HS6ST2: variants seen among roughly 807,000 people sequenced by gnomAD.
HS6ST2 encodes the protein heparan-sulfate 6-O-sulfotransferase 2.
In HS6ST2, 17 loss-of-function variants were observed where a neutral mutation model predicts 33.0. The ratio of observed to expected loss-of-function variants is 0.52; its 90% confidence interval spans 0.35 to 0.77. The LOEUF (loss-of-function observed/expected upper bound fraction) is 0.77. Among genes scored for constraint, HS6ST2 ranks in the 30% least tolerant of loss-of-function variants. The probability of loss-of-function intolerance (pLI) is 0.01; values close to 1 mark genes in which losing one functional copy is unlikely to be tolerated. For synonymous variants in HS6ST2, 248 were observed against 237.1 expected (o/e 1.05, Z -0.42); for missense variants, 519 against 551.7 (o/e 0.94, Z 0.59).
intron 2 of HS6ST2, among the ~76,000 whole-genome samples, chrX:132,848,984 C>A (rs1477130535): frequency 9.0e-6 from 1 of 111,362 alleles, no homozygotes; most frequent in African/African-American, 3.3e-5. Context: ...TGGGTGTGCA[C>A]AGGGGAAAGC....
intron 3 of HS6ST2, among the ~76,000 whole-genome samples, chrX:132,693,266 T>C (rs944499106): frequency 7.1e-5 from 8 of 112,116 alleles, no homozygotes; most frequent in Admixed American, 9.4e-5. Flanking sequence ...CAGAGCTGGT[T>C]TAAGAGCAAT....
chrX:132,633,212 A>AGT (rs2063531294), intron 4 of HS6ST2, among the ~76,000 whole-genome samples: 1 of 110,001 alleles, frequency 9.1e-6, no homozygotes, highest in Non-Finnish European at 1.9e-5. Flanking sequence ...CCTCCCGGGG[A>AGT]GTGAAGGAGT....
At chrX:132,814,877 T>C (rs1028093797) in intron 2 of HS6ST2, among the ~76,000 whole-genome samples, 1 of 112,138 alleles carries the variant, frequency 8.9e-6, no homozygotes, top group South Asian at 3.7e-4. Flanking sequence ...CAGCCTGGAA[T>C]GTCTTCTTCT....
In HS6ST2 at chrX:132,854,865, T is replaced by A. The variant is rs1004845861; in HGVS notation, c.947+101943A>T. 6.2e-5 allele frequency among the ~76,000 whole-genome samples: 7 copies of A among 112,124 alleles called. No homozygotes were observed. The South Asian group carries it at 2.6e-3, about 42-fold the overall frequency. ...TAACACAGACGAACTGAATTTCAAA[T>A]CATTCAACCTCACCTCTTCTCTCCT... On this transcript the variant is annotated intron_variant, in intron 2 of 4. Coordinates refer to ENST00000370833, the MANE Select transcript of HS6ST2 (RefSeq NM_001394073.1).
intron 2 of HS6ST2, among the ~76,000 whole-genome samples, chrX:132,713,386 G>C (rs762172801): frequency 9.0e-6 from 1 of 111,676 alleles, no homozygotes; most frequent in Admixed American, 9.4e-5. Flanking sequence ...GTGAGTCTGC[G>C]GCAGGCCTGC....
chrX:132,882,711 A>T (rs1426013639), intron 2 of HS6ST2, among the ~76,000 whole-genome samples: 1 of 110,506 alleles, frequency 9.0e-6, no homozygotes, highest in East Asian at 2.8e-4. Context: ...GTCAGTTTTC[A>T]AAGGGAATGC....
intron 2 of HS6ST2, among the ~76,000 whole-genome samples, chrX:132,872,604 A>G (rs2066072850): frequency 8.9e-6 from 1 of 111,952 alleles, no homozygotes; most frequent in Non-Finnish European, 1.9e-5. Context: ...GGAATTTAAC[A>G]GATCCCTTAA....
chrX:132,956,195 G>T (rs1569506526), intron 2 of HS6ST2, among the ~76,000 whole-genome samples: 2 of 111,449 alleles, frequency 1.8e-5, no homozygotes, highest in South Asian at 3.8e-4. Flanking sequence ...TAAAAGTCCG[G>T]CAAGAAGAGA....
intron 2 of HS6ST2, among the ~76,000 whole-genome samples, chrX:132,718,045 T>C (rs1223588861): frequency 8.9e-6 from 1 of 112,266 alleles, no homozygotes; most frequent in African/African-American, 3.2e-5. Context: ...TCTAGAATTA[T>C]TGGAAATTTT....
At chrX:132,902,665 T>C (rs1201052899) in intron 2 of HS6ST2, among the ~76,000 whole-genome samples, 1 of 112,079 alleles carries the variant, frequency 8.9e-6, no homozygotes, top group African/African-American at 3.2e-5. Context: ...GCTTGTAGTC[T>C]TTCCAAAATC....
In HS6ST2 at chrX:132,790,225, C is replaced by G. The variant is rs1352371196; in HGVS notation, c.948-81731G>C. Among the ~76,000 whole-genome samples, 3 of 112,060 alleles carry G rather than the reference C, an allele frequency of 2.7e-5. No homozygotes were observed. The Admixed American group carries it at 2.8e-4, about 11-fold the overall frequency. On this transcript the variant is annotated intron_variant, in intron 2 of 4. Transcript: ENST00000370833. The stretch of plus-strand genomic sequence containing the variant: ...ACCCCAACCTTTAGCAACGACCACC[C>G]TGATTAGTCAGCAACCATGCACATC...
intron 4 of HS6ST2, among the ~76,000 whole-genome samples, chrX:132,635,555 C>G (rs1479109660): frequency 1.8e-5 from 2 of 111,736 alleles, no homozygotes; most frequent in Non-Finnish European, 3.8e-5. Flanking sequence ...AGTGAGCTCC[C>G]TCTATACAAG....
intron 2 of HS6ST2, among the ~76,000 whole-genome samples, chrX:132,935,215 A>G (rs1448706165): frequency 3.1e-5 from 1 of 32,436 alleles, no homozygotes; most frequent in Non-Finnish European, 5.3e-5. Flanking sequence ...AAAAAGATCA[A>G]TGGAGAAATA....
rs1256204004 is a variant in HS6ST2 at position 132,810,209 on chromosome X, C to T, written c.948-101715G>A. On this transcript the variant is annotated intron_variant, in intron 2 of 4. Coordinates refer to ENST00000370833, the MANE Select transcript of HS6ST2 (RefSeq NM_001394073.1). ...TTGCTTGAGCCCAGGAGTTTGAGAT[C>T]AGCCTTGGCAACATAATGACACCTC... Among the ~76,000 whole-genome samples, 2 of 110,547 alleles carry T rather than the reference C, an allele frequency of 1.8e-5. 1 individual carries two copies. The highest frequency in any genetic ancestry group is 3.8e-5 in the Non-Finnish European group (2 of 52,898).
At chrX:132,785,714 G>T (rs912220895) in intron 2 of HS6ST2, among the ~76,000 whole-genome samples, 1 of 112,178 alleles carries the variant, frequency 8.9e-6, no homozygotes, top group African/African-American at 3.2e-5. Flanking sequence ...GGGCAGACCA[G>T]CCCCAAAACT....
intron 3 of HS6ST2, among the ~76,000 whole-genome samples, chrX:132,707,011 TAAAG>T (rs1384385882): frequency 8.9e-6 from 1 of 112,190 alleles, no homozygotes; most frequent in African/African-American, 3.2e-5. Flanking sequence ...ATAGTAAAAA[TAAAG>T]AGTGTGTCAG....
intron 2 of HS6ST2, among the ~76,000 whole-genome samples, chrX:132,795,950 CT>C (rs748048656): frequency 9.0e-5 from 10 of 111,513 alleles, no homozygotes; most frequent in Non-Finnish European, 1.9e-4. Flanking sequence ...GACTTCTTAG[CT>C]GTATGACCTT....
chrX:132,662,089 A>T (rs2063778727), intron 4 of HS6ST2, among the ~76,000 whole-genome samples: 1 of 111,978 alleles, frequency 8.9e-6, no homozygotes, highest in Non-Finnish European at 1.9e-5. Flanking sequence ...AACGATAAAC[A>T]TATCAATCAA....
chrX:132,805,066 G>T (rs2065268594), intron 2 of HS6ST2, among the ~76,000 whole-genome samples: 1 of 111,322 alleles, frequency 9.0e-6, no homozygotes, highest in Middle Eastern at 4.6e-3. Flanking sequence ...AGTAAGAAAG[G>T]AAAGGCAGTC....
Sources: gnomAD v4.1 joint callset for allele counts (sites outside exome capture counted in the v4.1 genomes callset) on GRCh38, gnomAD v4.1.1 for gene constraint, MANE v1.5 for transcripts, NCBI Gene and HGNC (gene_info 2026-07-23, HGNC 2026-07-21) for gene names.